Variants in KMO observed in about 807,000 individuals in gnomAD.
KMO encodes the protein kynurenine 3-monooxygenase.
Under a neutral mutation model 57.8 loss-of-function variants are expected in KMO, and 24 were observed. The observed-to-expected ratio is 0.42, with a 90% CI of 0.30 to 0.58. The LOEUF (loss-of-function observed/expected upper bound fraction) is 0.58, where lower values mean the gene tolerates loss of function less well. Among genes scored for constraint, KMO ranks in the 20% least tolerant of loss-of-function variants. The pLI is 0.22. For synonymous variants in KMO, 210 were observed against 193.6 expected, an observed-to-expected ratio of 1.08 and a Z score of -0.70; for missense variants, 483 against 588.2, an observed-to-expected ratio of 0.82 and a Z score of 1.85.
At chr1:241,586,267 C>T (rs1401684613) in intron 10 of KMO, among the ~76,000 whole-genome samples, 4 of 139,380 alleles carry the variant, frequency 2.9e-5, no homozygotes, top group South Asian at 2.4e-4. Context: ...GGAGCGATCT[C>T]GGCTCACTGC....
chr1:241,564,361 C>G (rs1661996649), intron 7 of KMO, among the ~76,000 whole-genome samples: 1 of 152,064 alleles, frequency 6.6e-6, no homozygotes, highest in African/African-American at 2.4e-5. Flanking sequence ...GCAATTAATA[C>G]TTATTCAGGC....
chr1:241,562,749 G>A (rs2147961563), intron 7 of KMO, among the ~76,000 whole-genome samples: 1 of 152,238 alleles, frequency 6.6e-6, no homozygotes, highest in Admixed American at 6.5e-5. Flanking sequence ...TGAGGTGGAA[G>A]GATTGCTTGA....
intron 10 of KMO, among the ~76,000 whole-genome samples, chr1:241,573,797 G>T (rs1378044862): frequency 1.3e-5 from 2 of 151,982 alleles, no homozygotes; most frequent in Non-Finnish European, 2.9e-5. Context: ...TTCTAATTCT[G>T]TGAAAAGCGA....
In KMO at chr1:241,592,732, CT is replaced by C. The variant is rs1388315601; in HGVS notation, c.*580del. The C allele has an allele frequency of 6.5e-5, 10 of 154,772 alleles. No individual in the cohort carries two copies. Among genetic ancestry groups the C allele is most frequent in the African/African-American group, 2.4e-4 (10 of 41,134 alleles). 9.6% of individuals were successfully genotyped at this position (154,772 alleles called of 1,614,324 possible). A position where few individuals can be genotyped will look rare whatever the true frequency, so the allele number is the denominator to read the frequency against. On this transcript the variant is annotated 3_prime_UTR_variant, in exon 15 of 15. Coordinates refer to ENST00000366559, the MANE Select transcript of KMO (RefSeq NM_003679.5). ...ATCTATCTGTTTATCGTCTATCTAT[CT>C]ATCATCTATCTATCTATCTATCATC...
chr1:241,549,453 A>C (rs111251574), intron 2 of KMO, among the ~76,000 whole-genome samples: 417 of 152,256 alleles, frequency 2.7e-3, no homozygotes, highest in African/African-American at 9.2e-3. Flanking sequence ...AAGTTTCTTT[A>C]ATAAAACGCT....
intron 6 of KMO, among the ~76,000 whole-genome samples, chr1:241,561,441 A>AT (rs1661831787): frequency 6.6e-6 from 1 of 152,128 alleles, no homozygotes; most frequent in Non-Finnish European, 1.5e-5. Context: ...CATTAAATCT[A>AT]TAACACTCCC....
chr1:241,579,534 G>A (rs1662670769), intron 10 of KMO, among the ~76,000 whole-genome samples: 1 of 152,050 alleles, frequency 6.6e-6, no homozygotes, highest in Admixed American at 6.5e-5. Context: ...GGAGTAGCAG[G>A]CGGCAGTAAG....
chr1:241,550,627 T>A (rs1661359714), intron 3 of KMO, among the ~76,000 whole-genome samples: 1 of 152,224 alleles, frequency 6.6e-6, no homozygotes, highest in African/African-American at 2.4e-5. Flanking sequence ...ACCCTGGGTT[T>A]TACTCCTCAT....
In KMO at chr1:241,549,513, T is replaced by C. The variant is rs555957311; in HGVS notation, c.125-164T>C. The C allele has an allele frequency of 4.7e-5, 19 of 402,234 alleles. No homozygotes were observed. In the South Asian group the frequency reaches 2.2e-3, roughly 46 times the overall value. 24.9% of individuals were successfully genotyped at this position (402,234 alleles called of 1,614,324 possible). On this transcript the variant is annotated intron_variant, in intron 2 of 14. Transcript: ENST00000366559. ...TAAAAAAAAACACCAACTATCTAAA[T>C]TTAATTTAATATAAAGTTACTGCTA... is the stretch of plus-strand genomic sequence containing the variant.
intron 1 of KMO, among the ~76,000 whole-genome samples, chr1:241,546,707 G>C (rs1573906908): frequency 1.3e-5 from 2 of 152,302 alleles, no homozygotes; most frequent in Non-Finnish European, 2.9e-5. Context: ...GGAGAGAATT[G>C]ATGAGATGGG....
At chr1:241,542,708 T>A (rs574590597) in intron 1 of KMO, among the ~76,000 whole-genome samples, 1 of 152,224 alleles carries the variant, frequency 6.6e-6, no homozygotes. Context: ...TCCTGTGCTG[T>A]CCTCCTTCAC....
At position 241,588,903 on chromosome 1, in the gene KMO, T is replaced by G. The variant is rs570867118; in HGVS notation, c.1098+73T>G. ...TCTAACAAGTGTTCTTTTCTTTTTC[T>G]TTGCTTCAGCCCCCATCTCATGCAT... On this transcript the variant is annotated intron_variant, in intron 12 of 14. Coordinates refer to ENST00000366559, the MANE Select transcript of KMO (RefSeq NM_003679.5). The G allele has an allele frequency of 4.9e-5, 56 of 1,133,110 alleles. No homozygotes were observed. The South Asian group carries it at 7.1e-4, about 14-fold the overall frequency. The allele number at this position is 1,133,110 out of a possible 1,614,324, so 70.2% of individuals were successfully genotyped here.
chr1:241,560,890 G>A, intron 6 of KMO, 138 bp downstream of exon 6: 1 of 652,518 alleles, frequency 1.5e-6, no homozygotes. Context: ...CTAGATTCAA[G>A]GAATTTTAGA....
chr1:241,546,372 C>T (rs1054365053), intron 1 of KMO, among the ~76,000 whole-genome samples: 16 of 152,274 alleles, frequency 1.1e-4, no homozygotes, highest in Non-Finnish European at 2.2e-4. Flanking sequence ...CATCTCTCTG[C>T]GTCTCCTTTT....
At chr1:241,537,923 C>A (rs1307072982) in intron 1 of KMO, among the ~76,000 whole-genome samples, 3 of 152,182 alleles carry the variant, frequency 2.0e-5, no homozygotes, top group Middle Eastern at 3.4e-3. Flanking sequence ...GGGACACAAC[C>A]AAACCATATC....
intron 9 of KMO, 34 bp downstream of exon 9, chr1:241,566,646 T>C (rs1662090823): frequency 1.2e-6 from 2 of 1,610,242 alleles, no homozygotes; most frequent in Non-Finnish European, 1.7e-6. Context: ...GCTCCATTTG[T>C]TTTAATTATT....
chr1:241,583,729 G>GT (rs1293440829), intron 10 of KMO, among the ~76,000 whole-genome samples: 2 of 151,664 alleles, frequency 1.3e-5, no homozygotes, highest in Admixed American at 6.6e-5. Context: ...TATTTTTATT[G>GT]TTTTTTAAAA....
Position 241,593,355 on chromosome 1 carries a change from CTTT to C in KMO, c.*1203_*1205del, listed in dbSNP as rs1663388645. 2.3e-6 allele frequency: 1 copy of C among 437,310 alleles called. No homozygotes were observed. The highest frequency in any genetic ancestry group is 1.7e-5 in the South Asian group (1 of 59,912). The allele number at this position is 437,310 out of a possible 1,614,324, so 27.1% of individuals were successfully genotyped here. On this transcript the variant is annotated 3_prime_UTR_variant, in exon 15 of 15. Coordinates refer to ENST00000366559, the MANE Select transcript of KMO (RefSeq NM_003679.5). ...GAAATGTTTTCTTTGGTTCATCCTT[CTTT>C]AACAGGCTGCTGAGTCACTCAGAAA...
intron 10 of KMO, among the ~76,000 whole-genome samples, chr1:241,578,294 C>G (rs1005102732): frequency 1.3e-5 from 2 of 152,136 alleles, no homozygotes; most frequent in African/African-American, 4.8e-5. Context: ...CTTGCTGAGC[C>G]CAGCACTGCA....
Sources: gnomAD v4.1 joint callset for allele counts (sites outside exome capture counted in the v4.1 genomes callset) on GRCh38, gnomAD v4.1.1 for gene constraint, MANE v1.5 for transcripts, NCBI Gene and HGNC (gene_info 2026-07-23, HGNC 2026-07-21) for gene names.